Variants in SLC25A39 observed in about 807,000 individuals in gnomAD.
The protein encoded by SLC25A39 is mitochondrial glutathione transporter SLC25A39.
SLC25A39 carries 44 observed loss-of-function variants against 46.6 expected under a neutral mutation model. The observed-to-expected ratio is 0.94, with a 90% CI of 0.74 to 1.21. The LOEUF (loss-of-function observed/expected upper bound fraction) is 1.21. SLC25A39 is among the 50% of genes most tolerant of loss of function. The probability of loss-of-function intolerance (pLI) is 0.00; values close to 1 mark genes in which losing one functional copy is unlikely to be tolerated. For synonymous variants in SLC25A39, 218 were observed against 190.6 expected (o/e 1.14, Z -1.19); for missense variants, 487 against 473.0 (o/e 1.03, Z -0.28).
intron 10 of SLC25A39, 27 bp from the exon 11 acceptor site, chr17:44,320,303 G>C: frequency 6.2e-7 from 1 of 1,613,514 alleles, no homozygotes; most frequent in Non-Finnish European, 8.5e-7. Flanking sequence ...GGCTCAGTGA[G>C]ACCCCATTCA....
At chr17:44,321,388 C>T in intron 7 of SLC25A39, 46 bp downstream of exon 7, 1 of 1,611,920 alleles carries the variant, frequency 6.2e-7, no homozygotes. Flanking sequence ...TGGGTTTGGG[C>T]CGAGGTGGGG....
chr17:44,322,398 A>G (rs1030630611), intron 5 of SLC25A39, 21 bp downstream of exon 5: 1 of 1,613,808 alleles, frequency 6.2e-7, no homozygotes, highest in South Asian at 1.1e-5. Context: ...ACGAATCCCT[A>G]CGGACCCAGC....
At chr17:44,321,281 T>C (rs998880333) in intron 7 of SLC25A39, 50 bp from the exon 8 acceptor site, 11 of 1,582,418 alleles carry the variant, frequency 7.0e-6, no homozygotes, top group Middle Eastern at 1.7e-4. Context: ...TCACAGGTCT[T>C]ACATGGCATC....
At chr17:44,323,434 G>GCCCCCCCC in intron 2 of SLC25A39, 44 bp downstream of exon 2, 2 of 1,367,930 alleles carry the variant, frequency 1.5e-6, no homozygotes, top group Admixed American at 2.1e-5. Flanking sequence ...TCTCCGGTCT[G>GCCCCCCCC]CCCCATCCCC....
rs28384471 is a variant in SLC25A39 at position 44,324,806 on chromosome 17, C to T, written c.-111G>A. The T allele has an allele frequency of 0.047, 7,162 of 152,092 alleles. 415 individuals carry two copies. The highest frequency in any genetic ancestry group is 0.27 in the East Asian group (1,409 of 5,160). 9.4% of individuals were successfully genotyped at this position (152,092 alleles called of 1,614,324 possible). A position where few individuals can be genotyped will look rare whatever the true frequency, so the allele number is the denominator to read the frequency against. On this transcript the variant is annotated 5_prime_UTR_variant, in exon 1 of 12. Transcript: ENST00000377095. Reference sequence around the variant, plus strand: ...GTGCGCGGTCCGCGCGCGCTCGCAGCGCACCTAGGCCGACGCCGAAAGCAG... The same window carrying T: ...GTGCGCGGTCCGCGCGCGCTCGCAGTGCACCTAGGCCGACGCCGAAAGCAG...
chr17:44,322,596 C>T, intron 4 of SLC25A39, 44 bp from the exon 5 acceptor site: 1 of 1,603,588 alleles, frequency 6.2e-7, no homozygotes, highest in Non-Finnish European at 8.5e-7. Context: ...ATCCTAGAAC[C>T]TTGCAGGGAG....
chr17:44,320,439 G>T lies in SLC25A39; in HGVS notation c.802-3C>A. The T allele has an allele frequency of 6.2e-7, 1 of 1,613,464 alleles. No homozygotes were observed. Among genetic ancestry groups the T allele is most frequent in the Non-Finnish European group, 8.5e-7 (1 of 1,180,000 alleles). On this transcript the variant is annotated splice_region_variant and splice_polypyrimidine_tract_variant and intron_variant, in intron 9 of 11. Coordinates refer to ENST00000377095, the MANE Select transcript of SLC25A39 (RefSeq NM_001143780.3). ...GGTAGAGTCAGCACTGCAGCCACCT[G>T]GTGGGGTGGGCGGGGAGAGGGCTCA...
chr17:44,322,408 C>A lies in SLC25A39; in HGVS notation c.324+11G>T, dbSNP rs1269456961. 1 of 1,614,034 alleles carries A rather than the reference C, an allele frequency of 6.2e-7. No individual in the cohort carries two copies. Among genetic ancestry groups the A allele is most frequent in the African/African-American group, 1.3e-5 (1 of 75,062 alleles). On this transcript the variant is annotated intron_variant, in intron 5 of 11. Transcript: ENST00000377095. ...CACCGACGAATCCCTACGGACCCAG[C>A]TGCTCCTCACCATGGTGCCAGTGAA...
rs565733276 is a variant in SLC25A39, at chr17:44,319,977, G to A, written c.*24C>T. The stretch of plus-strand genomic sequence containing the variant: ...CCCTCTCCCCATCCGTGGGAGAGAC[G>A]GGGTCCTTGCCTCCTTGCCCCTTTC... On this transcript the variant is annotated 3_prime_UTR_variant, in exon 12 of 12. Coordinates refer to ENST00000377095, the MANE Select transcript of SLC25A39 (RefSeq NM_001143780.3). 19 of 1,609,300 alleles carry A rather than the reference G, an allele frequency of 1.2e-5. No homozygotes were observed. The highest frequency in any genetic ancestry group is 1.7e-4 in the Middle Eastern group (1 of 6,058).
Position 44,320,134 on chromosome 17 carries a change from C to G in SLC25A39, c.965-18G>C. 1 of 1,613,978 alleles carries G rather than the reference C, an allele frequency of 6.2e-7. No individual in the cohort carries two copies. The highest frequency in any genetic ancestry group is 1.7e-4 in the Middle Eastern group (1 of 6,060). On this transcript the variant is annotated intron_variant, in intron 11 of 11. Transcript: ENST00000377095. ...AAGGAAGCCTGCAGTGGAAAGGAGG[C>G]CCGTGTCAGGGGTCAGGTCGCAGGT... is the stretch of plus-strand genomic sequence containing the variant.
Position 44,322,562 on chromosome 17 carries a change from G to A in SLC25A39, c.191-10C>T, listed in dbSNP as rs780002161. The A allele has an allele frequency of 3.0e-5, 48 of 1,613,506 alleles. No homozygotes were observed. The highest frequency in any genetic ancestry group is 3.9e-5 in the Non-Finnish European group (46 of 1,179,778). ...TGGAGAGAGGAGGGCACTGGGGAAA[G>A]GCAGGGGGCATTATAATGACAGGAT... is the stretch of plus-strand genomic sequence containing the variant. On this transcript the variant is annotated splice_polypyrimidine_tract_variant and intron_variant, in intron 4 of 11. Coordinates refer to ENST00000377095, the MANE Select transcript of SLC25A39 (RefSeq NM_001143780.3).
Position 44,320,340 on chromosome 17 carries a change from A to C in SLC25A39, c.883+15T>G. 1 of 1,613,482 alleles carries C rather than the reference A, an allele frequency of 6.2e-7. No individual in the cohort carries two copies. The highest frequency in any genetic ancestry group is 1.1e-5 in the South Asian group (1 of 91,074). On this transcript the variant is annotated intron_variant, in intron 10 of 11. Coordinates refer to ENST00000377095, the MANE Select transcript of SLC25A39 (RefSeq NM_001143780.3). ...GACCCCACCTGTCCCCTGCCACGGC[A>C]ATCTGGGCCCTCACCTCTCACAGCC...
At chr17:44,324,152 G>A (rs989937934) in intron 1 of SLC25A39, 16 of 153,870 alleles carry the variant, frequency 1.0e-4, no homozygotes, top group African/African-American at 3.1e-4. Context: ...TGCAGTAGGA[G>A]CCAGGGTCCT....
In SLC25A39 at chr17:44,321,209, G is replaced by A. The variant is rs1360405238; in HGVS notation, c.540C>T (p.Ser180=). ...GCTTTGTCCGCATAAGCTCCAGGGGGCTGATCACAGTCACGGTGCCCACTG... is the reference window on the plus strand; with the variant it reads ...GCTTTGTCCGCATAAGCTCCAGGGGACTGATCACAGTCACGGTGCCCACTG... The part of the protein sequence containing the change: ...LARLGTVTVI[S]PLELMRTKLQ... Residue 180 remains serine, a synonymous_variant, in exon 8 of 12, where the codon AGC becomes AGT. Coordinates refer to ENST00000377095, the MANE Select transcript of SLC25A39 (RefSeq NM_001143780.3). The A allele has an allele frequency of 6.2e-7, 1 of 1,610,350 alleles. No homozygotes were observed. The highest frequency in any genetic ancestry group is 2.2e-5 in the East Asian group (1 of 44,880).
rs777733060 is a variant in SLC25A39 at position 44,320,184 on chromosome 17, CCA to C, written c.964+10_964+11del. The C allele has an allele frequency of 6.2e-7, 1 of 1,614,052 alleles. No individual in the cohort carries two copies. The highest frequency in any genetic ancestry group is 8.5e-7 in the Non-Finnish European group (1 of 1,180,022). ...TCCGCCATGCCCCCACCCCCGACAC[CCA>C]CACACTGACCTGCAAAGAGTCCCTT... On this transcript the variant is annotated intron_variant, in intron 11 of 11. Transcript: ENST00000377095.
Position 44,323,539 on chromosome 17 carries a change from GC to G in SLC25A39, c.23del (p.Gly8AlafsTer22), listed in dbSNP as rs1234453820. 2.6e-5 allele frequency: 41 copies of G among 1,577,496 alleles called. No individual in the cohort carries two copies. Among genetic ancestry groups the G allele is most frequent in the Non-Finnish European group, 3.4e-5 (40 of 1,162,106 alleles). MADQDPA[G>X]ISPLQQMVAS... ...CCACCATTTGCTGGAGGGGGCTGATGCCCGCAGGGTCCTGGTCAGCCATCTT... is the reference window on the plus strand; with the variant it reads ...CCACCATTTGCTGGAGGGGGCTGATGCCGCAGGGTCCTGGTCAGCCATCTT... On this transcript the variant is annotated frameshift_variant, in exon 2 of 12. Transcript: ENST00000377095. LOFTEE classifies it high-confidence loss of function.
At chr17:44,323,439 A>ACCACCCCC in intron 2 of SLC25A39, 39 bp downstream of exon 2, 1 of 257,114 alleles carries the variant, frequency 3.9e-6, no homozygotes, top group Non-Finnish European at 5.7e-6. Flanking sequence ...GGTCTGCCCC[A>ACCACCCCC]TCCCCACCCG....
chr17:44,322,798 G>T lies in SLC25A39; in HGVS notation c.190+10C>A. 6.2e-7 allele frequency: 1 copy of T among 1,613,980 alleles called. No individual in the cohort carries two copies. The highest frequency in any genetic ancestry group is 8.5e-7 in the Non-Finnish European group (1 of 1,179,970). Reference sequence around the variant, plus strand: ...ACCCTCCCATGCTCCCTGTGGCTTGGGGCACTCACATTTGGTATAGGAGAG... The same window carrying T: ...ACCCTCCCATGCTCCCTGTGGCTTGTGGCACTCACATTTGGTATAGGAGAG... On this transcript the variant is annotated intron_variant, in intron 4 of 11. Coordinates refer to ENST00000377095, the MANE Select transcript of SLC25A39 (RefSeq NM_001143780.3).
At position 44,321,439 on chromosome 17, in the gene SLC25A39, G is replaced by C. The variant is rs1158513075; in HGVS notation, c.512C>G (p.Ala171Gly). The C allele has an allele frequency of 6.2e-7, 1 of 1,613,384 alleles. No individual in the cohort carries two copies. Residue 171 changes from alanine to glycine, a missense_variant, in exon 7 of 12, where the codon GCC becomes GGC. Coordinates refer to ENST00000377095, the MANE Select transcript of SLC25A39 (RefSeq NM_001143780.3). The stretch of plus-strand genomic sequence containing the variant: ...AGGCCCAAGACTATGCTCACGGCGG[G>C]CCAGCGCGCCAGCCACCATGGGTGC... ...LYAPMVAGAL[A>G]RLGTVTVISP...
Sources: gnomAD v4.1 joint callset for allele counts on GRCh38, gnomAD v4.1.1 for gene constraint, MANE v1.5 for transcripts, NCBI Gene and HGNC (gene_info 2026-07-23, HGNC 2026-07-21) for gene names.